GTF2F2: variants seen among roughly 807,000 people sequenced by gnomAD.
GTF2F2 encodes the protein general transcription factor IIF subunit 2.
In GTF2F2, 23 loss-of-function variants were observed where a neutral mutation model predicts 42.2. The observed-to-expected ratio is 0.55, with a 90% CI of 0.39 to 0.77. The LOEUF is 0.77. GTF2F2 is among the 30% of genes least tolerant of loss of function. GTF2F2 has a pLI of 0.00. For missense variants in GTF2F2, 261 were observed against 287.2 expected (o/e 0.91, Z 0.66); for synonymous variants, 105 against 100.8 (o/e 1.04, Z -0.25).
At chr13:45,268,361 A>G (rs1273598632) in intron 7 of GTF2F2, among the ~76,000 whole-genome samples, 1 of 152,176 alleles carries the variant, frequency 6.6e-6, no homozygotes, top group African/African-American at 2.4e-5. Flanking sequence ...TTTTATTTAT[A>G]CAAAGCTTTA....
chr13:45,259,528 T>G (rs1876243773), intron 6 of GTF2F2, among the ~76,000 whole-genome samples: 1 of 152,122 alleles, frequency 6.6e-6, no homozygotes, highest in African/African-American at 2.4e-5. Flanking sequence ...TGGGTAATTC[T>G]AGTATGCAGC....
At chr13:45,198,197 T>C (rs914162359) in intron 4 of GTF2F2, among the ~76,000 whole-genome samples, 20 of 152,372 alleles carry the variant, frequency 1.3e-4, no homozygotes, top group Admixed American at 1.2e-3. Context: ...ACTAATGTCC[T>C]ACCATCTGCA....
At chr13:45,194,413 G>A (rs949732704) in intron 4 of GTF2F2, 1 of 1,614,028 alleles carries the variant, frequency 6.2e-7, no homozygotes, top group African/African-American at 1.3e-5. Context: ...TGGGTACTTG[G>A]TCAGTGTTTG....
At chr13:45,144,191 T>C (rs1870074622) in intron 2 of GTF2F2, among the ~76,000 whole-genome samples, 1 of 151,998 alleles carries the variant, frequency 6.6e-6, no homozygotes, top group East Asian at 1.9e-4. Context: ...AAGCAGAGGT[T>C]TCAGTGAGCG....
At chr13:45,137,725 A>T (rs140612077) in intron 2 of GTF2F2, among the ~76,000 whole-genome samples, 190 of 152,350 alleles carry the variant, frequency 1.2e-3, no homozygotes, top group African/African-American at 4.4e-3. Flanking sequence ...TGCTTGTGTC[A>T]CATTTGCTAA....
chr13:45,246,245 T>C (rs989139828), intron 5 of GTF2F2, among the ~76,000 whole-genome samples: 1 of 151,872 alleles, frequency 6.6e-6, no homozygotes, highest in African/African-American at 2.4e-5. Context: ...TCTCCTGACC[T>C]CGTGATCCGC....
chr13:45,222,478 T>G (rs929272717), intron 5 of GTF2F2, among the ~76,000 whole-genome samples: 1 of 152,206 alleles, frequency 6.6e-6, no homozygotes, highest in African/African-American at 2.4e-5. Context: ...CCCCCTTCTC[T>G]TTAAAATGGC....
intron 5 of GTF2F2, among the ~76,000 whole-genome samples, chr13:45,216,799 A>G (rs1337081114): frequency 6.6e-6 from 1 of 151,186 alleles, no homozygotes; most frequent in African/African-American, 2.4e-5. Flanking sequence ...GATTACAGGC[A>G]TGAACCACCG....
At chr13:45,258,589 A>G (rs915509858) in intron 6 of GTF2F2, among the ~76,000 whole-genome samples, 8 of 152,208 alleles carry the variant, frequency 5.3e-5, no homozygotes, top group African/African-American at 1.9e-4. Context: ...TAGCTTAGCT[A>G]TTGCTGATAC....
intron 4 of GTF2F2, among the ~76,000 whole-genome samples, chr13:45,165,025 C>T (rs1204895753): frequency 3.3e-5 from 5 of 152,162 alleles, no homozygotes; most frequent in East Asian, 1.9e-4. Flanking sequence ...GATCTTGTTA[C>T]GCTATAGCTG....
At chr13:45,235,814 G>A (rs1198075839) in intron 5 of GTF2F2, among the ~76,000 whole-genome samples, 5 of 151,514 alleles carry the variant, frequency 3.3e-5, no homozygotes, top group East Asian at 3.9e-4. Flanking sequence ...CATGTTGACC[G>A]TGCTGGTCTC....
intron 4 of GTF2F2, among the ~76,000 whole-genome samples, chr13:45,184,493 A>G (rs1209493677): frequency 2.0e-5 from 3 of 151,118 alleles, no homozygotes; most frequent in East Asian, 2.0e-4. Flanking sequence ...GGCTCAAGCA[A>G]TCTTCCCACT....
intron 4 of GTF2F2, chr13:45,194,693 G>T (rs901286870): frequency 2.4e-6 from 2 of 848,916 alleles, no homozygotes; most frequent in South Asian, 1.7e-5. Flanking sequence ...TGGCAGCATC[G>T]CCTGCGCTGT....
At chr13:45,171,151 C>T (rs1247724208) in intron 4 of GTF2F2, among the ~76,000 whole-genome samples, 1 of 140,736 alleles carries the variant, frequency 7.1e-6, no homozygotes, top group Non-Finnish European at 1.5e-5. Context: ...GATCTTGGCT[C>T]ACTGCAACCT....
intron 4 of GTF2F2, among the ~76,000 whole-genome samples, chr13:45,174,604 A>C (rs2138148453): frequency 7.5e-6 from 1 of 133,826 alleles, no homozygotes; most frequent in East Asian, 2.2e-4. Context: ...TTTTGGTATG[A>C]GTTTTTCATG....
At position 45,283,538 on chromosome 13, in the gene GTF2F2, C is replaced by G. The variant is rs760519651; in HGVS notation, c.727C>G (p.Gln243Glu). Residue 243 changes from glutamine to glutamate, a missense_variant, in exon 8 of 8, where the codon CAA (glutamine) becomes GAA (glutamate). Coordinates refer to ENST00000340473, the MANE Select transcript of GTF2F2 (RefSeq NM_004128.3). ...WELKPEYRHY[Q>E]GEEKSD ...GCTGAAGCCAGAGTACAGACACTAT[C>G]AAGGAGAAGAAAAGAGTGACTAAGA... The G allele has an allele frequency of 6.2e-7, 1 of 1,611,568 alleles. No homozygotes were observed. The highest frequency in any genetic ancestry group is 8.5e-7 in the Non-Finnish European group (1 of 1,178,786).
At chr13:45,238,189 A>G (rs1473824431) in intron 5 of GTF2F2, among the ~76,000 whole-genome samples, 1 of 152,218 alleles carries the variant, frequency 6.6e-6, no homozygotes, top group Non-Finnish European at 1.5e-5. Flanking sequence ...TCCCAACCTC[A>G]GGTAACCCAC....
chr13:45,180,472 T>C (rs1872098788), intron 4 of GTF2F2, among the ~76,000 whole-genome samples: 2 of 152,202 alleles, frequency 1.3e-5, no homozygotes, highest in Admixed American at 6.5e-5. Context: ...TATATCTTCC[T>C]CAAAGCAAAG....
chr13:45,270,499 C>T (rs1006800917), intron 7 of GTF2F2, among the ~76,000 whole-genome samples: 2 of 152,090 alleles, frequency 1.3e-5, no homozygotes, highest in East Asian at 3.9e-4. Context: ...GGTCTCTCTT[C>T]CTCTCCCTCT....
Sources: allele counts gnomAD v4.1 joint callset (sites outside exome capture counted in the v4.1 genomes callset), GRCh38; gene constraint gnomAD v4.1.1; transcripts MANE v1.5; gene names NCBI Gene and HGNC (gene_info 2026-07-23, HGNC 2026-07-21).